LAMB4: variants seen among roughly 807,000 people sequenced by gnomAD.
LAMB4 encodes the protein laminin subunit beta-4.
A neutral mutation model predicts 199.2 loss-of-function variants in LAMB4; 196 were observed. The observed-to-expected ratio is 0.98, with a 90% CI of 0.88 to 1.11. LAMB4 has a LOEUF of 1.11. LAMB4 is among the 50% of genes least tolerant of loss of function. LAMB4 has a pLI of 0.00. For missense variants in LAMB4, 2,080 were observed against 2,171.2 expected (o/e 0.96, Z 0.83); for synonymous variants, 744 against 770.6 (o/e 0.97, Z 0.57).
the LAMB4 span, among the ~76,000 whole-genome samples, chr7:108,014,203 G>A: frequency 7.2e-5 from 11 of 152,162 alleles, no homozygotes; most frequent in South Asian, 4.2e-4. Context: ...CCTTTATGTC[G>A]GGCAATGTTC....
At position 108,091,703 on chromosome 7, in the gene LAMB4, C is replaced by T. The variant is rs200540845; in HGVS notation, c.1624G>A (p.Gly542Ser). 1.3e-4 allele frequency: 216 copies of T among 1,614,150 alleles called. 2 individuals carry two copies. The South Asian group carries it at 2.0e-3, about 15-fold the overall frequency. The change falls in exon 14 of 34, where the codon GGC (glycine) becomes AGC (serine). Residue 542 changes from glycine (G) to serine (S), a missense_variant. By Grantham distance (56) the Gly-to-Ser change is moderately conservative (BLOSUM62 0). Coordinates refer to ENST00000388781, the MANE Select transcript of LAMB4 (RefSeq NM_007356.3). ...TGRSCSEPAP[G>S]YFFAPLNFYL... The stretch of plus-strand genomic sequence containing the variant: ...AAATTCAAAGGAGCAAAGAAGTAGC[C>T]AGGGGCTGGTTCAGAGCAGCTACGG...
At chr7:108,114,828 G>A (rs1433656675) in intron 3 of LAMB4, among the ~76,000 whole-genome samples, 1 of 152,140 alleles carries the variant, frequency 6.6e-6, no homozygotes, top group Non-Finnish European at 1.5e-5. Context: ...AGATGACCTT[G>A]GATGCTTGTT....
At position 108,023,845 on chromosome 7, in the gene LAMB4, C is replaced by A; in HGVS notation, c.*194G>T. 1 of 377,592 alleles carries A rather than the reference C, an allele frequency of 2.6e-6. No individual in the cohort carries two copies. The highest frequency in any genetic ancestry group is 1.3e-4 in the South Asian group (1 of 7,530). The allele number at this position is 377,592 out of a possible 1,614,324, so 23.4% of individuals were successfully genotyped here. A position where few individuals can be genotyped will look rare whatever the true frequency, so the allele number is the denominator to read the frequency against. Reference sequence around the variant, plus strand: ...CCAGAGACAATTTCATTACTTTCCCCTTTCAATTATGAAGTGGCATTTTCC... The same window carrying A: ...CCAGAGACAATTTCATTACTTTCCCATTTCAATTATGAAGTGGCATTTTCC... On this transcript the variant is annotated 3_prime_UTR_variant, in exon 34 of 34. Transcript: ENST00000388781.
chr7:108,098,513 C>T lies in LAMB4; in HGVS notation c.1250G>A (p.Gly417Glu). 6.2e-7 allele frequency: 1 copy of T among 1,613,868 alleles called. No individual in the cohort carries two copies. Among genetic ancestry groups the T allele is most frequent in the Admixed American group, 1.7e-5 (1 of 60,006 alleles). The stretch of plus-strand genomic sequence containing the variant: ...ACAAAGGCACTGGCCGGCCACAGAC[C>T]CTAAGGCAGGATCAGAGTGGCTCAC... ...ICVSHSDPAL[G>E]SVAGQCLCKE... is the part of the protein sequence containing the mutation. Residue 417 changes from glycine to glutamate, a missense_variant, in exon 11 of 34, where the codon GGG becomes GAG. Transcript: ENST00000388781.
rs2036156935 is a variant in LAMB4 at position 108,061,491 on chromosome 7, C to A, written c.3282+1283G>T. Among the ~76,000 whole-genome samples, 2 of 151,936 alleles carry A rather than the reference C, an allele frequency of 1.3e-5. 1 individual carries two copies. Among genetic ancestry groups the A allele is most frequent in the South Asian group, 4.2e-4 (2 of 4,800 alleles). ...TCGTGGCTCACACCTGTAATCTTAG[C>A]AATCTGAGAGGCTGAGGTGGGCGGA... On this transcript the variant is annotated intron_variant, in intron 23 of 33. Coordinates refer to ENST00000388781, the MANE Select transcript of LAMB4 (RefSeq NM_007356.3).
At chr7:108,032,695 CGT>C (rs3050225) in intron 31 of LAMB4, among the ~76,000 whole-genome samples, 13,930 of 143,820 alleles carry the variant, frequency 0.097, 1,597 homozygotes, top group African/African-American at 0.28. Context: ...TGTGTGTTTG[CGT>C]GTGTGTGTGT....
chr7:108,041,682 G>C (rs1194792336), intron 29 of LAMB4, among the ~76,000 whole-genome samples: 2 of 152,136 alleles, frequency 1.3e-5, no homozygotes, highest in Non-Finnish European at 2.9e-5. Flanking sequence ...CTTATAAATG[G>C]GAGCTAAATG....
At chr7:108,042,454 C>A (rs1162934665) in intron 29 of LAMB4, among the ~76,000 whole-genome samples, 1 of 151,702 alleles carries the variant, frequency 6.6e-6, no homozygotes. Context: ...TCTACCAGTT[C>A]ATGCAATTAG....
rs758579175 is a variant in LAMB4 at position 108,043,823 on chromosome 7, ATATTTCCCAG to A, written c.4390_4399del (p.Leu1464Ter). The A allele has an allele frequency of 6.2e-7, 1 of 1,609,720 alleles. No homozygotes were observed. Among genetic ancestry groups the A allele is most frequent in the Non-Finnish European group, 8.5e-7 (1 of 1,177,698 alleles). On this transcript the variant is annotated frameshift_variant, in exon 29 of 34. Transcript: ENST00000388781. LOFTEE classifies it high-confidence loss of function. ...TTCTTCAGAGTCACTTTGGTTTCTTATATTTCCCAGTTTTTCCCTCAGCTGTAAGGCATTG... is the reference window on the plus strand; with the variant it reads ...TTCTTCAGAGTCACTTTGGTTTCTTATTTTTCCCTCAGCTGTAAGGCATTG...
At chr7:108,119,052 T>G (rs1222403545) in intron 2 of LAMB4, among the ~76,000 whole-genome samples, 1 of 152,160 alleles carries the variant, frequency 6.6e-6, no homozygotes, top group Non-Finnish European at 1.5e-5. Flanking sequence ...TTCAACATCA[T>G]TAGCCACTGG....
intron 1 of LAMB4, among the ~76,000 whole-genome samples, chr7:108,130,057 T>G (rs2150716100): frequency 6.6e-6 from 1 of 152,350 alleles, no homozygotes; most frequent in Admixed American, 6.5e-5. Flanking sequence ...CAAGGTACAG[T>G]AAGGCTCAAG....
At chr7:108,124,725 C>A (rs1048667357) in intron 1 of LAMB4, among the ~76,000 whole-genome samples, 12 of 152,030 alleles carry the variant, frequency 7.9e-5, no homozygotes, top group Admixed American at 6.6e-4. Flanking sequence ...ACCTCTTTCA[C>A]GTATTTTCAA....
At chr7:108,034,770 T>C (rs952856230) in intron 30 of LAMB4, among the ~76,000 whole-genome samples, 6 of 152,074 alleles carry the variant, frequency 3.9e-5, no homozygotes, top group Admixed American at 3.3e-4. Flanking sequence ...CTACAGGCCC[T>C]GCATTTTTAG....
chr7:108,036,138 G>A lies in LAMB4; in HGVS notation c.4679+1250C>T, dbSNP rs543603728. ...CTCCCAAAGCACTGGGATTATAGTC[G>A]TGAGCCGCTTCCCCCAGCCCATCAG... On this transcript the variant is annotated intron_variant, in intron 30 of 33. Transcript: ENST00000388781. 4.0e-5 allele frequency among the ~76,000 whole-genome samples: 6 copies of A among 151,810 alleles called. No individual in the cohort carries two copies. In the South Asian group the frequency reaches 1.2e-3, roughly 32 times the overall value.
chr7:108,054,281 C>T (rs1252778863), intron 25 of LAMB4, among the ~76,000 whole-genome samples: 1 of 152,172 alleles, frequency 6.6e-6, no homozygotes, highest in African/African-American at 2.4e-5. Flanking sequence ...TGTCACCTGC[C>T]AGCTTGACCC....
chr7:108,125,121 C>G (rs902786135), intron 1 of LAMB4, among the ~76,000 whole-genome samples: 2 of 152,150 alleles, frequency 1.3e-5, no homozygotes, highest in African/African-American at 4.8e-5. Context: ...GAAAAGTCTG[C>G]AATCTTGGGC....
intron 1 of LAMB4, 70 bp from the exon 2 acceptor site, chr7:108,123,267 A>G (rs2038663098): frequency 2.1e-6 from 2 of 937,806 alleles, no homozygotes. Flanking sequence ...TGTTATGTAA[A>G]AGTGCTTAGG....
At chr7:108,065,405 T>C (rs1209118693) in intron 21 of LAMB4, among the ~76,000 whole-genome samples, 1 of 152,198 alleles carries the variant, frequency 6.6e-6, no homozygotes, top group Non-Finnish European at 1.5e-5. Flanking sequence ...TTCCATTTAT[T>C]TTTTAGTTGC....
At position 108,065,902 on chromosome 7, in the gene LAMB4, T is replaced by C. The variant is rs1174238155; in HGVS notation, c.2696A>G (p.Tyr899Cys). The change falls in exon 21 of 34, where the codon TAT becomes TGT. Residue 899 changes from tyrosine (Y) to cysteine (C), a missense_variant. By Grantham distance (194) the Tyr-to-Cys change is radical. Coordinates refer to ENST00000388781, the MANE Select transcript of LAMB4 (RefSeq NM_007356.3). ...RNCERCIDGYYGNPSSGQPCR... is the reference protein window; with the variant it reads ...RNCERCIDGYCGNPSSGQPCR... ...GGGCTGTCCTGAAGAAGGATTTCCA[T>C]AGTAACCATCAATACACCTGTCAAG... 2 of 1,613,798 alleles carry C rather than the reference T, an allele frequency of 1.2e-6. No individual in the cohort carries two copies. Among genetic ancestry groups the C allele is most frequent in the Non-Finnish European group, 8.5e-7 (1 of 1,179,940 alleles).
Sources: gnomAD v4.1 joint callset for allele counts (sites outside exome capture counted in the v4.1 genomes callset) on GRCh38, gnomAD v4.1.1 for gene constraint, MANE v1.5 for transcripts, NCBI Gene and HGNC (gene_info 2026-07-23, HGNC 2026-07-21) for gene names.